RGS20: variants seen among roughly 807,000 people sequenced by gnomAD.
The protein encoded by RGS20 is regulator of G protein signaling 20, also known as gz-selective GTPase-activating protein.
RGS20 carries 30 observed loss-of-function variants against 33.6 expected under a neutral mutation model. The ratio of observed to expected loss-of-function variants is 0.89; its 90% CI spans 0.67 to 1.21. RGS20 has a LOEUF of 1.21. RGS20 is among the 50% of genes most tolerant of loss of function. The pLI is 0.00. For synonymous variants in RGS20, 208 were observed against 197.9 expected (o/e 1.05, Z -0.43); for missense variants, 472 against 502.4 (o/e 0.94, Z 0.58).
At chr8:53,931,082 T>G (rs969466318) in intron 2 of RGS20, among the ~76,000 whole-genome samples, 8 of 152,208 alleles carry the variant, frequency 5.3e-5, no homozygotes, top group African/African-American at 1.7e-4. Context: ...TGACTGTGGC[T>G]GACCGTGTGT....
intron 1 of RGS20, among the ~76,000 whole-genome samples, chr8:53,859,468 T>G (rs1811759728): frequency 6.6e-6 from 1 of 152,224 alleles, no homozygotes; most frequent in Non-Finnish European, 1.5e-5. Flanking sequence ...CTAGTATCAT[T>G]ACCATTGTTC....
intron 1 of RGS20, among the ~76,000 whole-genome samples, chr8:53,865,972 G>T (rs1167397027): frequency 3.3e-5 from 5 of 152,186 alleles, no homozygotes; most frequent in Admixed American, 2.6e-4. Context: ...AGAGCTCAGA[G>T]CCTGATGGGA....
At chr8:53,875,484 T>G (rs1585874315) in intron 1 of RGS20, among the ~76,000 whole-genome samples, 1 of 147,674 alleles carries the variant, frequency 6.8e-6, no homozygotes, top group East Asian at 2.1e-4. Context: ...AAACACCATC[T>G]CCTACCCTAA....
chr8:53,892,914 T>C (rs893596434), intron 2 of RGS20, among the ~76,000 whole-genome samples: 2 of 152,186 alleles, frequency 1.3e-5, no homozygotes, highest in African/African-American at 4.8e-5. Flanking sequence ...AGGAAAAATA[T>C]TACTAATAAG....
At chr8:53,864,901 C>A (rs1050837369) in intron 1 of RGS20, among the ~76,000 whole-genome samples, 2 of 152,198 alleles carry the variant, frequency 1.3e-5, no homozygotes, top group African/African-American at 4.8e-5. Flanking sequence ...GTGCCAACCT[C>A]CAACTTCCCC....
At chr8:53,884,639 A>G (rs376620331) in intron 2 of RGS20, among the ~76,000 whole-genome samples, 16 of 152,308 alleles carry the variant, frequency 1.1e-4, no homozygotes, top group African/African-American at 3.6e-4. Flanking sequence ...CCAAAATAGA[A>G]TGAAGACTTC....
At chr8:53,950,623 T>C (rs550983685) in intron 4 of RGS20, among the ~76,000 whole-genome samples, 1 of 151,746 alleles carries the variant, frequency 6.6e-6, no homozygotes, top group Non-Finnish European at 1.5e-5. Context: ...ATGTTTTGTT[T>C]TTTTTTTTTT....
intron 5 of RGS20, among the ~76,000 whole-genome samples, chr8:53,956,026 C>A (rs915926690): frequency 6.6e-6 from 1 of 152,080 alleles, no homozygotes. Flanking sequence ...CCTGGCCACA[C>A]TCTCAGCACT....
chr8:53,863,282 C>T (rs529264638), intron 1 of RGS20, among the ~76,000 whole-genome samples: 37 of 152,236 alleles, frequency 2.4e-4, no homozygotes, highest in African/African-American at 8.7e-4. Flanking sequence ...CCACAGCGCC[C>T]GGCCATGACA....
chr8:53,859,467 T>C (rs1411908569), intron 1 of RGS20, among the ~76,000 whole-genome samples: 2 of 152,226 alleles, frequency 1.3e-5, no homozygotes, highest in Admixed American at 1.3e-4. Context: ...TCTAGTATCA[T>C]TACCATTGTT....
At chr8:53,882,128 GGCTA>G (rs2129274923) in intron 2 of RGS20, among the ~76,000 whole-genome samples, 1 of 152,256 alleles carries the variant, frequency 6.6e-6, no homozygotes, top group South Asian at 2.1e-4. Context: ...TGAGAGAAGC[GGCTA>G]GCTGAGAGTG....
chr8:53,867,658 T>TCTTCCTTCCTTCCTTCCTTC (rs3083109), intron 1 of RGS20, among the ~76,000 whole-genome samples: 8 of 143,220 alleles, frequency 5.6e-5, no homozygotes, highest in South Asian at 2.4e-4. Context: ...ACGGAAGTAG[T>TCTTCCTTCCTTCCTTCCTTC]CTTCCTTCCT....
chr8:53,866,162 C>T (rs905623450), intron 1 of RGS20, among the ~76,000 whole-genome samples: 2 of 151,940 alleles, frequency 1.3e-5, no homozygotes, highest in Non-Finnish European at 2.9e-5. Flanking sequence ...ACACAAAGTC[C>T]CAGGAATGAG....
intron 2 of RGS20, among the ~76,000 whole-genome samples, chr8:53,928,436 C>T (rs1303869930): frequency 6.6e-6 from 1 of 152,122 alleles, no homozygotes; most frequent in Non-Finnish European, 1.5e-5. Context: ...ACTTACTTAT[C>T]GAATCTTTAA....
intron 2 of RGS20, among the ~76,000 whole-genome samples, chr8:53,884,191 C>CTTTTTTTTTTTTT (rs4014055): frequency 9.7e-5 from 10 of 103,478 alleles, no homozygotes; most frequent in African/African-American, 4.1e-4. Context: ...GAAAAACAGT[C>CTTTTTTTTTTTTT]TTTTTTTTTT....
intron 2 of RGS20, among the ~76,000 whole-genome samples, chr8:53,891,281 T>C (rs891798795): frequency 3.3e-5 from 5 of 152,222 alleles, no homozygotes; most frequent in African/African-American, 1.2e-4. Flanking sequence ...ACTTTAGAAA[T>C]GTAATTTCAC....
intron 1 of RGS20, among the ~76,000 whole-genome samples, chr8:53,856,519 G>A (rs1811673407): frequency 6.6e-6 from 1 of 152,020 alleles, no homozygotes; most frequent in Admixed American, 6.6e-5. Flanking sequence ...GTGCCCGGCT[G>A]ATCAGATTTC....
chr8:53,944,024 C>G (rs1814388950), intron 3 of RGS20, among the ~76,000 whole-genome samples: 1 of 151,088 alleles, frequency 6.6e-6, no homozygotes, highest in Non-Finnish European at 1.5e-5. Context: ...CACACACACA[C>G]TGAAAATTTA....
chr8:53,896,664 G>A (rs1812870882), intron 2 of RGS20, among the ~76,000 whole-genome samples: 2 of 152,028 alleles, frequency 1.3e-5, no homozygotes, highest in Non-Finnish European at 1.5e-5. Context: ...CCAATTAAAG[G>A]CAATCTCCTA....
Sources: allele counts gnomAD v4.1 joint callset (sites outside exome capture counted in the v4.1 genomes callset), GRCh38; gene constraint gnomAD v4.1.1; transcripts MANE v1.5; gene names NCBI Gene and HGNC (gene_info 2026-07-23, HGNC 2026-07-21).